Variants in C1S observed in about 807,000 individuals in gnomAD.
C1S encodes the protein complement C1s.
C1S carries 31 observed loss-of-function variants against 54.0 expected under a neutral mutation model. That is an observed-to-expected ratio of 0.57 (90% CI 0.43 to 0.78). The LOEUF is 0.78. C1S is among the 30% of genes least tolerant of loss of function. C1S has a pLI of 0.00. For missense variants in C1S, 727 were observed against 851.8 expected, an observed-to-expected ratio of 0.85 and a Z score of 1.82; for synonymous variants, 292 against 303.6, an observed-to-expected ratio of 0.96 and a Z score of 0.40.
chr12:7,068,039 C>T (rs781850046), intron 10 of C1S, among the ~76,000 whole-genome samples: 1 of 152,314 alleles, frequency 6.6e-6, no homozygotes, highest in Admixed American at 6.5e-5. Context: ...CATGGGATTA[C>T]CCACCTTTTG....
At chr12:7,068,999 A>C (rs1937757477) in intron 11 of C1S, among the ~76,000 whole-genome samples, 1 of 152,244 alleles carries the variant, frequency 6.6e-6, no homozygotes, top group Non-Finnish European at 1.5e-5. Context: ...CCTGGGTGGT[A>C]CTGAAAGCTG....
At chr12:7,065,391 T>C in intron 6 of C1S, 92 bp downstream of exon 6, 1 of 925,616 alleles carries the variant, frequency 1.1e-6, no homozygotes, top group Non-Finnish European at 1.8e-6. Flanking sequence ...CATCTTTCTC[T>C]GTTGCTCAAG....
intron 1 of C1S, 73 bp downstream of exon 1, chr12:7,060,950 G>A (rs1273901105): frequency 6.6e-6 from 1 of 152,238 alleles, no homozygotes; most frequent in African/African-American, 2.4e-5. Flanking sequence ...CACGTAGGAG[G>A]GCTTGGGGCA....
intron 2 of C1S, chr12:7,062,194 G>A (rs1027108688): frequency 1.8e-5 from 10 of 569,266 alleles, no homozygotes; most frequent in Admixed American, 1.2e-4. Context: ...TCACTTGAGC[G>A]CGGGAGGTCA....
chr12:7,066,212 A>G (rs1299351286), intron 7 of C1S: 1 of 609,534 alleles, frequency 1.6e-6, no homozygotes, highest in Non-Finnish European at 2.9e-6. Flanking sequence ...TAAAAAACAG[A>G]TAGATTGTTG....
rs1937744330 is a variant in C1S, at chr12:7,068,609, C to G, written c.1270+79C>G. On this transcript the variant is annotated intron_variant, in intron 11 of 11. Transcript: ENST00000360817. Reference sequence around the variant, plus strand: ...ACCTTCTGAAAGCAACTGTAATCCTCTTGGGAAAGGACTGAACAGTGACCT... The same window carrying G: ...ACCTTCTGAAAGCAACTGTAATCCTGTTGGGAAAGGACTGAACAGTGACCT... 3 of 991,124 alleles carry G rather than the reference C, an allele frequency of 3.0e-6. No individual in the cohort carries two copies. In the African/African-American group the frequency reaches 4.7e-5, roughly 16 times the overall value. 61.4% of individuals were successfully genotyped at this position (991,124 alleles called of 1,614,324 possible).
chr12:7,060,796 C>T lies in C1S; in HGVS notation c.-156C>T, dbSNP rs1947077914. On this transcript the variant is annotated 5_prime_UTR_variant, in exon 1 of 12. Coordinates refer to ENST00000360817, the MANE Select transcript of C1S (RefSeq NM_001734.5). ...AGCGTCAAGGCCCTGTGCTGCTGTC[C>T]CTGGGGGCCAGAGGGGTTGCCCAGC... The T allele has an allele frequency of 6.6e-6, 1 of 152,422 alleles. No homozygotes were observed. The highest frequency in any genetic ancestry group is 2.4e-5 in the African/African-American group (1 of 41,452). 9.4% of individuals were successfully genotyped at this position (152,422 alleles called of 1,614,324 possible). A position where few individuals can be genotyped will look rare whatever the true frequency, so the allele number is the denominator to read the frequency against.
At position 7,070,691 on chromosome 12, in the gene C1S, A is replaced by C. The variant is rs1565625500; in HGVS notation, c.*40A>C. The stretch of plus-strand genomic sequence containing the variant: ...ACCAGCCTCTCCAAGGGTGGTGACC[A>C]ATGCATTACCTTCTGTTCCTTATGA... On this transcript the variant is annotated 3_prime_UTR_variant, in exon 12 of 12. Coordinates refer to ENST00000360817, the MANE Select transcript of C1S (RefSeq NM_001734.5). The surrounding 1 kb of genome is among the most constrained non-coding windows in gnomAD (Gnocchi z 4.9). 2 of 1,440,588 alleles carry C rather than the reference A, an allele frequency of 1.4e-6. No homozygotes were observed. The highest frequency in any genetic ancestry group is 1.7e-5 in the Admixed American group (1 of 59,814). 89.2% of individuals were successfully genotyped at this position (1,440,588 alleles called of 1,614,324 possible). A position where few individuals can be genotyped will look rare whatever the true frequency, so the allele number is the denominator to read the frequency against.
chr12:7,064,163 A>G lies in C1S; in HGVS notation c.392-104A>G, dbSNP rs1947138762. On this transcript the variant is annotated intron_variant, in intron 4 of 11. Transcript: ENST00000360817. ...GTGATCCCTTGACGGATCTTTAAGC[A>G]ATAGGCCTTTCCTACTTTTTCTTAC... 8 of 1,129,174 alleles carry G rather than the reference A, an allele frequency of 7.1e-6. No individual in the cohort carries two copies. The Middle Eastern group carries it at 5.8e-4, about 83-fold the overall frequency. The allele number at this position is 1,129,174 out of a possible 1,614,324, so 69.9% of individuals were successfully genotyped here. A position where few individuals can be genotyped will look rare whatever the true frequency, so the allele number is the denominator to read the frequency against.
chr12:7,065,552 C>G, intron 6 of C1S: 2 of 580,954 alleles, frequency 3.4e-6, no homozygotes, highest in Admixed American at 3.0e-5. Context: ...TTTTTTTTTA[C>G]AGAGATGGGG....
Position 7,064,370 on chromosome 12 carries a change from T to A in C1S, c.495T>A (p.His165Gln). 6.2e-7 allele frequency: 1 copy of A among 1,614,142 alleles called. No homozygotes were observed. Among genetic ancestry groups the A allele is most frequent in the Admixed American group, 1.7e-5 (1 of 60,012 alleles). The part of the protein sequence containing the change: ...FCSCPPEYFL[H>Q]DDMKNCGVNC... ...CCTGCCCCCCGGAATATTTCCTCCA[T>A]GATGACATGAAGAATTGCGGAGGTG... Residue 165 changes from histidine (H) to glutamine (Q), a missense_variant, in exon 5 of 12, where the codon CAT becomes CAA. His to Gln is a conservative substitution (Grantham distance 24). Coordinates refer to ENST00000360817, the MANE Select transcript of C1S (RefSeq NM_001734.5).
chr12:7,062,983 T>A lies in C1S; in HGVS notation c.307T>A (p.Tyr103Asn). 1 of 1,614,090 alleles carries A rather than the reference T, an allele frequency of 6.2e-7. No individual in the cohort carries two copies. Among genetic ancestry groups the A allele is most frequent in the Non-Finnish European group, 8.5e-7 (1 of 1,179,964 alleles). Residue 103 changes from tyrosine (Y) to asparagine (N), a missense_variant, in exon 4 of 12, where the codon TAC becomes AAC. Physicochemically the swap from Tyr to Asn is moderately radical, Grantham distance 143. Transcript: ENST00000360817. ...SPIVEEFQVP[Y>N]NKLQVIFKSD... ...AATTGTGGAAGAGTTCCAAGTCCCA[T>A]ACAACAAACTCCAGGTGATCTTTAA...
chr12:7,070,886 A>G lies in C1S; in HGVS notation c.*235A>G. On this transcript the variant is annotated 3_prime_UTR_variant, in exon 12 of 12. Coordinates refer to ENST00000360817, the MANE Select transcript of C1S (RefSeq NM_001734.5). The surrounding 1 kb of genome is among the most constrained non-coding windows in gnomAD (Gnocchi z 4.9). Reference sequence around the variant, plus strand: ...TTTCCCCGGAGTACCTATTGTAGATAACACTATGGGTGGGGCACTCCTTTC... The same window carrying G: ...TTTCCCCGGAGTACCTATTGTAGATGACACTATGGGTGGGGCACTCCTTTC... 1 of 558,586 alleles carries G rather than the reference A, an allele frequency of 1.8e-6. No individual in the cohort carries two copies. The highest frequency in any genetic ancestry group is 2.0e-5 in the South Asian group (1 of 50,472). The allele number at this position is 558,586 out of a possible 1,614,324, so 34.6% of individuals were successfully genotyped here.
Position 7,062,682 on chromosome 12 carries a change from G to A in C1S, c.213G>A (p.Gln71=). 5 of 1,612,474 alleles carry A rather than the reference G, an allele frequency of 3.1e-6. No homozygotes were observed. Among genetic ancestry groups the A allele is most frequent in the Non-Finnish European group, 4.2e-6 (5 of 1,179,004 alleles). The change falls in exon 3 of 12, where the codon CAG becomes CAA. Residue 71 remains glutamine (Q), a splice_region_variant and synonymous_variant. Transcript: ENST00000360817. ...LSENCAYDSV[Q]IISGDTEEGR... is the part of the protein sequence containing the mutation. The stretch of plus-strand genomic sequence containing the variant: ...AGAACTGTGCGTATGACTCAGTGCA[G>A]GTATGTTATAAGCACAAAAAGAATA...
Position 7,070,685 on chromosome 12 carries a change from G to A in C1S, c.*34G>A. 6.5e-7 allele frequency: 1 copy of A among 1,527,668 alleles called. No individual in the cohort carries two copies. Among genetic ancestry groups the A allele is most frequent in the Non-Finnish European group, 9.1e-7 (1 of 1,102,350 alleles). 94.6% of individuals were successfully genotyped at this position (1,527,668 alleles called of 1,614,324 possible). On this transcript the variant is annotated 3_prime_UTR_variant, in exon 12 of 12. Coordinates refer to ENST00000360817, the MANE Select transcript of C1S (RefSeq NM_001734.5). The surrounding 1 kb of genome is among the most constrained non-coding windows in gnomAD (Gnocchi z 4.9). Reference sequence around the variant, plus strand: ...CATCCCACCAGCCTCTCCAAGGGTGGTGACCAATGCATTACCTTCTGTTCC... The same window carrying A: ...CATCCCACCAGCCTCTCCAAGGGTGATGACCAATGCATTACCTTCTGTTCC...
chr12:7,061,795 C>A, intron 1 of C1S, 44 bp from the exon 2 acceptor site: 2 of 1,122,964 alleles, frequency 1.8e-6, no homozygotes, highest in Non-Finnish European at 2.7e-6. Flanking sequence ...AAAGAAGGTG[C>A]TTGTGTTTGT....
chr12:7,065,297 G>C lies in C1S; in HGVS notation c.715G>C (p.Val239Leu), dbSNP rs782437883. ...AGCGGGAAACTGCCTTGACAGTTTA[G>C]TTGTGCGTGATGGTTGATTAATACC... is the stretch of plus-strand genomic sequence containing the variant. The part of the protein sequence containing the change: ...DSAGNCLDSL[V>L]FVAGDRQFGP... The change falls in exon 6 of 12, where the codon GTT becomes CTT. Residue 239 changes from valine to leucine, a missense_variant and splice_region_variant. Physicochemically the swap from Val to Leu is conservative, Grantham distance 32. Transcript: ENST00000360817. The C allele has an allele frequency of 2.5e-6, 4 of 1,610,582 alleles. No homozygotes were observed. The South Asian group carries it at 3.3e-5, about 13-fold the overall frequency.
rs927946520 is a variant in C1S, at chr12:7,062,584, T to G, written c.115T>G (p.Ser39Ala). The G allele has an allele frequency of 1.9e-6, 3 of 1,614,010 alleles. No homozygotes were observed. The highest frequency in any genetic ancestry group is 2.5e-6 in the Non-Finnish European group (3 of 1,179,908). Residue 39 changes from serine to alanine, a missense_variant, in exon 3 of 12, where the codon TCT becomes GCT. This residue lies in a region of C1S where 357 missense variants were observed against 365.4 expected (regional missense o/e 0.98). Coordinates refer to ENST00000360817, the MANE Select transcript of C1S (RefSeq NM_001734.5). ...GGCATATCCCAGTGAGGTAGAGAAA[T>G]CTTGGGACATAGAAGTTCCTGAAGG... is the stretch of plus-strand genomic sequence containing the variant. ...PQAYPSEVEK[S>A]WDIEVPEGYG...
In C1S at chr12:7,065,971, G is replaced by C; in HGVS notation, c.871+1G>C. On this transcript the variant is annotated splice_donor_variant, in intron 7 of 11. Transcript: ENST00000360817. LOFTEE classifies it high-confidence loss of function. ...TGGAAACTTCGCTATCATGGAGATC[G>C]TGAGTAACTTAGAAGTGCCTCTTTG... is the stretch of plus-strand genomic sequence containing the variant. 2 of 1,613,622 alleles carry C rather than the reference G, an allele frequency of 1.2e-6. No homozygotes were observed. The highest frequency in any genetic ancestry group is 1.7e-6 in the Non-Finnish European group (2 of 1,179,572).
Sources: gnomAD v4.1 joint callset for allele counts (sites outside exome capture counted in the v4.1 genomes callset) on GRCh38, gnomAD v4.1.1 for gene constraint, gnomAD v4.1.1 regional missense constraint, Gnocchi (gnomAD v3.1) non-coding constraint, MANE v1.5 for transcripts, NCBI Gene and HGNC (gene_info 2026-07-23, HGNC 2026-07-21) for gene names.